ATAD1: variants seen among roughly 807,000 people sequenced by gnomAD.
ATAD1 encodes the protein outer mitochondrial transmembrane helix translocase.
In ATAD1, 18 loss-of-function variants were observed where a neutral mutation model predicts 42.7. The ratio of observed to expected loss-of-function variants is 0.42; its 90% CI spans 0.29 to 0.63. ATAD1 has a LOEUF of 0.63. ATAD1 is among the 20% of genes least tolerant of loss of function. The pLI, the probability that ATAD1 is intolerant of heterozygous loss-of-function variation, is 0.19. For missense variants in ATAD1, 294 were observed against 440.4 expected (o/e 0.67, Z 2.98); for synonymous variants, 132 against 143.1 (o/e 0.92, Z 0.55).
At chr10:87,815,444 G>A (rs1315800722) in intron 1 of ATAD1, among the ~76,000 whole-genome samples, 1 of 151,988 alleles carries the variant, frequency 6.6e-6, no homozygotes, top group Non-Finnish European at 1.5e-5. Context: ...TGGGAGATAG[G>A]ATCTTAGCTT....
At chr10:87,775,226 G>T (rs1855236340) in intron 6 of ATAD1, among the ~76,000 whole-genome samples, 1 of 151,578 alleles carries the variant, frequency 6.6e-6, no homozygotes, top group East Asian at 1.9e-4. Context: ...TTCAAGACTA[G>T]CCTGGCCAAC....
At chr10:87,839,723 G>GT (rs1033454913) in intron 1 of ATAD1, among the ~76,000 whole-genome samples, 50 of 149,272 alleles carry the variant, frequency 3.3e-4, no homozygotes, top group African/African-American at 1.1e-3. Context: ...GCCGCCCCCA[G>GT]TAATCTTCTC....
intron 5 of ATAD1, among the ~76,000 whole-genome samples, chr10:87,777,304 A>G (rs1205471234): frequency 2.0e-5 from 3 of 152,216 alleles, no homozygotes; most frequent in African/African-American, 7.2e-5. Flanking sequence ...AAAAATGAGC[A>G]AAACACTATT....
chr10:87,833,550 T>C (rs1031807144), intron 1 of ATAD1, among the ~76,000 whole-genome samples: 2 of 152,164 alleles, frequency 1.3e-5, no homozygotes, highest in African/African-American at 2.4e-5. Flanking sequence ...TTCCTGACCT[T>C]AATGGGTAGA....
intron 6 of ATAD1, among the ~76,000 whole-genome samples, chr10:87,775,616 T>G (rs140244934): frequency 2.0e-5 from 3 of 151,630 alleles, no homozygotes; most frequent in Non-Finnish European, 2.9e-5. Context: ...TTAACTTTCT[T>G]TTAAACCACT....
Position 87,818,194 on chromosome 10 carries a change from G to A in ATAD1, c.-41C>T, listed in dbSNP as rs778405578. 1.0e-6 allele frequency: 1 copy of A among 985,694 alleles called. No homozygotes were observed. Among genetic ancestry groups the A allele is most frequent in the Non-Finnish European group, 1.2e-6 (1 of 830,122 alleles). 61.1% of individuals were successfully genotyped at this position (985,694 alleles called of 1,614,324 possible). On this transcript the variant is annotated 5_prime_UTR_variant, in exon 1 of 10. Transcript: ENST00000680024. Reference sequence around the variant, plus strand: ...AGGGGCAGAAACAGCAAGAGCAAGTGCCCTCAGCCGGCCTCACACAGGAAG... The same window carrying A: ...AGGGGCAGAAACAGCAAGAGCAAGTACCCTCAGCCGGCCTCACACAGGAAG...
chr10:87,787,493 C>A (rs189114035), intron 4 of ATAD1, among the ~76,000 whole-genome samples: 83 of 152,260 alleles, frequency 5.5e-4, no homozygotes, highest in African/African-American at 1.9e-3. Context: ...TGGTACATGC[C>A]TTGCAGTTCC....
intron 2 of ATAD1, among the ~76,000 whole-genome samples, chr10:87,802,797 A>G (rs2132007455): frequency 6.6e-6 from 1 of 152,342 alleles, no homozygotes; most frequent in East Asian, 1.9e-4. Flanking sequence ...TTCAAAAACT[A>G]TAGTATACCT....
chr10:87,838,638 C>G (rs574824328), intron 1 of ATAD1, among the ~76,000 whole-genome samples: 110 of 152,056 alleles, frequency 7.2e-4, no homozygotes, highest in Middle Eastern at 3.4e-3. Context: ...GCAATGAGGC[C>G]TTTGAGAGGT....
chr10:87,806,364 AAC>A (rs770386788), intron 2 of ATAD1, among the ~76,000 whole-genome samples: 2 of 152,114 alleles, frequency 1.3e-5, no homozygotes, highest in Middle Eastern at 3.2e-3. Flanking sequence ...GGTATAAAGA[AAC>A]ACAATATAAT....
chr10:87,771,082 T>C (rs769795343), intron 6 of ATAD1, 41 bp from the exon 7 acceptor site: 2 of 1,474,546 alleles, frequency 1.4e-6, no homozygotes, highest in East Asian at 2.3e-5. Flanking sequence ...AATCTACCAA[T>C]TATACTCCTC....
At chr10:87,771,111 G>T in intron 6 of ATAD1, 70 bp from the exon 7 acceptor site, 2 of 1,183,800 alleles carry the variant, frequency 1.7e-6, no homozygotes, top group South Asian at 1.5e-5. Flanking sequence ...TTATTACTAG[G>T]GCTTAGTTTT....
At chr10:87,813,578 T>TTAAA (rs1363393616) in intron 2 of ATAD1, among the ~76,000 whole-genome samples, 7 of 152,068 alleles carry the variant, frequency 4.6e-5, no homozygotes, top group Admixed American at 6.5e-5. Context: ...AGTCATTTAT[T>TTAAA]TACATCCCTA....
intron 7 of ATAD1, among the ~76,000 whole-genome samples, chr10:87,769,837 T>C (rs966869930): frequency 2.6e-5 from 4 of 152,018 alleles, no homozygotes; most frequent in Admixed American, 2.6e-4. Context: ...TCCCAACTTA[T>C]TGGGAGGCTG....
chr10:87,815,419 A>G (rs1310113714), intron 1 of ATAD1, among the ~76,000 whole-genome samples: 2 of 152,138 alleles, frequency 1.3e-5, no homozygotes, highest in Non-Finnish European at 2.9e-5. Context: ...TAGGGATGAT[A>G]TGACTATCAC....
intron 8 of ATAD1, among the ~76,000 whole-genome samples, chr10:87,759,232 G>C (rs1854369552): frequency 6.6e-6 from 1 of 151,968 alleles, no homozygotes; most frequent in African/African-American, 2.4e-5. Flanking sequence ...CTATACACAT[G>C]CATTAGGTAT....
In ATAD1 at chr10:87,785,831, T is replaced by C. The variant is rs970902690; in HGVS notation, c.383-1161A>G. Among the ~76,000 whole-genome samples, 109 of 152,114 alleles carry C rather than the reference T, an allele frequency of 7.2e-4. 3 individuals are homozygous for C. The highest frequency in any genetic ancestry group is 2.1e-4 in the South Asian group (1 of 4,838). On this transcript the variant is annotated intron_variant, in intron 4 of 9. Coordinates refer to ENST00000680024, the MANE Select transcript of ATAD1 (RefSeq NM_001321967.2). Reference sequence around the variant, plus strand: ...GTTCAAGCTCTTCCTCAAGCATACATAGAATTTTCTACTGGTCTTTATAAT... The same window carrying C: ...GTTCAAGCTCTTCCTCAAGCATACACAGAATTTTCTACTGGTCTTTATAAT...
intron 9 of ATAD1, 149 bp downstream of exon 9, chr10:87,756,640 G>A (rs976092681): frequency 5.9e-6 from 4 of 680,294 alleles, no homozygotes; most frequent in Non-Finnish European, 8.6e-6. Flanking sequence ...TTGGAAAAAT[G>A]GCAATAAATA....
intron 1 of ATAD1, among the ~76,000 whole-genome samples, chr10:87,815,228 T>C (rs924140097): frequency 2.0e-4 from 30 of 151,848 alleles, no homozygotes; most frequent in African/African-American, 5.8e-4. Context: ...CTTGGAAAAA[T>C]CTTGAACTGA....
Sources: gnomAD v4.1 joint callset for allele counts (sites outside exome capture counted in the v4.1 genomes callset) on GRCh38, gnomAD v4.1.1 for gene constraint, MANE v1.5 for transcripts, NCBI Gene and HGNC (gene_info 2026-07-23, HGNC 2026-07-21) for gene names.